ZNF536: variants seen among roughly 807,000 people sequenced by gnomAD.
ZNF536 encodes zinc finger protein 536.
A neutral mutation model predicts 84.5 loss-of-function variants in ZNF536; 13 were observed. The observed-to-expected ratio is 0.15, with a 90% confidence interval of 0.10 to 0.24. The LOEUF (loss-of-function observed/expected upper bound fraction) is 0.24, where lower values mean the gene tolerates loss of function less well. Among genes scored for constraint, ZNF536 ranks in the 10% least tolerant of loss-of-function variants. The pLI, the probability that ZNF536 is intolerant of heterozygous loss-of-function variation, is 1.00. For synonymous variants in ZNF536, 811 were observed against 742.5 expected, an observed-to-expected ratio of 1.09 and a Z score of -1.50; for missense variants, 1,536 against 1,747.5, an observed-to-expected ratio of 0.88 and a Z score of 2.16.
At chr19:30,472,691 A>G (rs181825793) in intron 2 of ZNF536, among the ~76,000 whole-genome samples, 16 of 152,218 alleles carry the variant, frequency 1.1e-4, no homozygotes, top group Admixed American at 1.3e-4. Context: ...TCCCTACTTG[A>G]CTAATATGAA....
rs547639819 is a variant in ZNF536, at chr19:30,478,012, A to T, written c.2170+32280A>T. Among the ~76,000 whole-genome samples the T allele has an allele frequency of 9.2e-5, 14 of 152,128 alleles. No individual in the cohort carries two copies. In the South Asian group the frequency reaches 2.5e-3, roughly 27 times the overall value. ...TTCTGATGATTGAGGACGGGGTGGG[A>T]TCCTCCATTGCCCAACCCCTTAGCT... On this transcript the variant is annotated intron_variant, in intron 2 of 4. Transcript: ENST00000355537.
In ZNF536 at chr19:30,590,442, T is replaced by C. The variant is rs2047237347; in HGVS notation, c.169+40928T>C. The stretch of plus-strand genomic sequence containing the variant: ...CACATTTTCTGTGGCTTCCAATGCC[T>C]TTCAGCAAGGCTTTCTTGGCCTTCA... On this transcript the variant is annotated intron_variant, in intron 1 of 1. Transcript: ENST00000592773. Among the ~76,000 whole-genome samples, 3 of 152,222 alleles carry C rather than the reference T, an allele frequency of 2.0e-5. No individual in the cohort carries two copies. The South Asian group carries it at 6.2e-4, about 32-fold the overall frequency.
At chr19:30,319,137 GC>G (rs2046774852) in intron 2 of ZNF536, among the ~76,000 whole-genome samples, 1 of 152,204 alleles carries the variant, frequency 6.6e-6, no homozygotes, top group African/African-American at 2.4e-5. Flanking sequence ...TCCGGGCATG[GC>G]CACAAGTGTA....
chr19:30,320,601 C>T (rs544404207), intron 2 of ZNF536, among the ~76,000 whole-genome samples: 4 of 152,232 alleles, frequency 2.6e-5, no homozygotes, highest in South Asian at 4.2e-4. Flanking sequence ...TGGATGTCCA[C>T]GCAGCCCACG....
At chr19:30,460,313 T>A (rs2053075763) in intron 2 of ZNF536, among the ~76,000 whole-genome samples, 1 of 152,070 alleles carries the variant, frequency 6.6e-6, no homozygotes, top group Non-Finnish European at 1.5e-5. Flanking sequence ...CTCACAGAGA[T>A]TCAGACGGAG....
At chr19:30,226,834 G>A (rs868195870), upstream of ZNF536, among the ~76,000 whole-genome samples, 1 of 151,984 alleles carries the variant, frequency 6.6e-6, no homozygotes, top group Non-Finnish European at 1.5e-5. This position sits in a 1 kb window ranked among gnomAD's most constrained non-coding sequence, Gnocchi z 4.6. Flanking sequence ...AGTGCAATCT[G>A]GGGGGACGCC....
At chr19:30,506,993 A>G (rs2055200210) in intron 2 of ZNF536, among the ~76,000 whole-genome samples, 1 of 152,158 alleles carries the variant, frequency 6.6e-6, no homozygotes, top group Non-Finnish European at 1.5e-5. Context: ...AAAAAGGGGG[A>G]TCGTAGTATA....
At chr19:30,506,075 T>C (rs1212764327) in intron 2 of ZNF536, among the ~76,000 whole-genome samples, 1 of 151,538 alleles carries the variant, frequency 6.6e-6, no homozygotes, top group Non-Finnish European at 1.5e-5. Context: ...TATAATGAAA[T>C]ACAAATATTC....
chr19:30,660,715 G>A (rs2050092269), intron 1 of ZNF536, among the ~76,000 whole-genome samples: 1 of 152,154 alleles, frequency 6.6e-6, no homozygotes, highest in Non-Finnish European at 1.5e-5. Flanking sequence ...CCTATCGATT[G>A]CAAGTTTCAA....
chr19:30,307,255 T>C (rs1416217314), intron 2 of ZNF536, among the ~76,000 whole-genome samples: 2 of 152,002 alleles, frequency 1.3e-5, no homozygotes, highest in Admixed American at 1.3e-4. Context: ...CCCCCCCTTT[T>C]TTGATTGATA....
chr19:30,523,924 G>A (rs549204698), intron 2 of ZNF536, among the ~76,000 whole-genome samples: 8 of 152,320 alleles, frequency 5.3e-5, no homozygotes, highest in African/African-American at 1.9e-4. Flanking sequence ...GAACGTATTT[G>A]TGAGTCTGTT....
intron 2 of ZNF536, among the ~76,000 whole-genome samples, chr19:30,448,360 G>C (rs183102955): frequency 6.6e-6 from 1 of 152,072 alleles, no homozygotes; most frequent in Non-Finnish European, 1.5e-5. Context: ...ATAGAAGTGC[G>C]ATTAAAATAA....
intron 2 of ZNF536, among the ~76,000 whole-genome samples, chr19:30,311,090 C>T (rs562205181): frequency 6.6e-6 from 1 of 152,236 alleles, no homozygotes; most frequent in South Asian, 2.1e-4. Context: ...GGACCTTGTA[C>T]AGGGCATGGA....
At chr19:30,612,525 A>T (rs996848937) in intron 1 of ZNF536, among the ~76,000 whole-genome samples, 15 of 152,242 alleles carry the variant, frequency 9.9e-5, no homozygotes, top group African/African-American at 3.6e-4. Flanking sequence ...AGGCTGAACC[A>T]GTCCCAGGGA....
chr19:30,458,453 T>TTTTG lies in ZNF536; in HGVS notation c.2170+12724_2170+12725insGTTT, dbSNP rs1568451863. Among the ~76,000 whole-genome samples the TTTTG allele has an allele frequency of 1.7e-3, 248 of 142,296 alleles. 4 individuals carry two copies. The highest frequency in any genetic ancestry group is 6.1e-3 in the African/African-American group (225 of 36,994). 93.4% of individuals were successfully genotyped at this position (142,296 alleles called of 152,430 possible). On this transcript the variant is annotated intron_variant, in intron 2 of 4. Transcript: ENST00000355537. ...ATTTCCTCAATTTCCTGCTGTTTTT[T>TTTTG]TTTTTTTTTTTTTTTTTGACCGAGT...
Position 30,655,233 on chromosome 19 carries a change from TA to T in ZNF536, c.170-55523del, listed in dbSNP as rs143880262. Among the ~76,000 whole-genome samples, 464 of 152,324 alleles carry T rather than the reference TA, an allele frequency of 3.0e-3. 3 individuals carry two copies. Among genetic ancestry groups the T allele is most frequent in the African/African-American group, 0.011 (438 of 41,566 alleles). The stretch of plus-strand genomic sequence containing the variant: ...TCAGCACTTAATGGGTCTTGTAGAG[TA>T]TTGCAATGACAGACTGCATAGGGGT... On this transcript the variant is annotated intron_variant, in intron 1 of 1. Coordinates refer to the ZNF536 transcript ENST00000592773.
intron 2 of ZNF536, among the ~76,000 whole-genome samples, chr19:30,502,593 A>G (rs769666888): frequency 1.3e-5 from 2 of 152,126 alleles, no homozygotes; most frequent in Non-Finnish European, 2.9e-5. Context: ...CGTCTCATCA[A>G]CCTGGACATT....
intron 1 of ZNF536, among the ~76,000 whole-genome samples, chr19:30,667,047 G>A (rs2050350775): frequency 6.6e-6 from 1 of 152,050 alleles, no homozygotes; most frequent in Non-Finnish European, 1.5e-5. Flanking sequence ...CTTGGTGTAA[G>A]CTCTTGCCCT....
chr19:30,537,870 C>T (rs1158075765), intron 3 of ZNF536, among the ~76,000 whole-genome samples: 9 of 152,168 alleles, frequency 5.9e-5, no homozygotes, highest in Admixed American at 5.2e-4. Context: ...ACCTCCACCA[C>T]CCCTCGGAAG....
Sources: gnomAD v4.1 joint callset for allele counts (sites outside exome capture counted in the v4.1 genomes callset) on GRCh38, gnomAD v4.1.1 for gene constraint, Gnocchi (gnomAD v3.1) non-coding constraint, MANE v1.5 for transcripts, NCBI Gene and HGNC (gene_info 2026-07-23, HGNC 2026-07-21) for gene names.